The following CYTH1 variants were observed in gnomAD, a reference collection of about 807,000 sequenced individuals.
CYTH1 encodes the protein cytohesin-1.
A neutral mutation model predicts 61.8 loss-of-function variants in CYTH1; 18 were observed. The ratio of observed to expected loss-of-function variants is 0.29; its 90% CI spans 0.20 to 0.43. CYTH1 has a LOEUF of 0.43. CYTH1 is among the 20% of genes least tolerant of loss of function. The probability of loss-of-function intolerance (pLI) is 1.00; values close to 1 mark genes in which losing one functional copy is unlikely to be tolerated. For synonymous variants in CYTH1, 174 were observed against 184.3 expected (o/e 0.94, Z 0.45); for missense variants, 336 against 510.5 (o/e 0.66, Z 3.29).
chr17:78,742,021 AT>A (rs2144640839), intron 1 of CYTH1, among the ~76,000 whole-genome samples: 1 of 152,340 alleles, frequency 6.6e-6, no homozygotes, highest in Non-Finnish European at 1.5e-5. Flanking sequence ...TGGTTGCATT[AT>A]GTATATGTTG....
At chr17:78,729,939 G>C (rs2093284286) in intron 1 of CYTH1, among the ~76,000 whole-genome samples, 1 of 152,122 alleles carries the variant, frequency 6.6e-6, no homozygotes, top group Admixed American at 6.5e-5. Context: ...CTGCCTATCT[G>C]TATATCTGGA....
chr17:78,760,415 A>ATATATATATACACATACATATATATATG (rs1567879176), intron 1 of CYTH1, among the ~76,000 whole-genome samples: 1 of 84,572 alleles, frequency 1.2e-5, no homozygotes, highest in Non-Finnish European at 2.3e-5. Flanking sequence ...ATGTGTATAT[A>ATATATATATACACATACATATATATATG]TATATATATA....
intron 1 of CYTH1, among the ~76,000 whole-genome samples, chr17:78,729,022 A>G (rs1426716947): frequency 6.6e-6 from 1 of 152,240 alleles, no homozygotes; most frequent in Non-Finnish European, 1.5e-5. Context: ...TGAGTGAAAA[A>G]TAATATCCCA....
chr17:78,708,593 T>G (rs1303316231), intron 2 of CYTH1, among the ~76,000 whole-genome samples: 1 of 152,222 alleles, frequency 6.6e-6, no homozygotes, highest in East Asian at 1.9e-4. Flanking sequence ...AGAACAAGTC[T>G]GCAGCTTACT....
At chr17:78,782,035 C>A (rs1567891643) in intron 1 of CYTH1, among the ~76,000 whole-genome samples, 167 bp downstream of exon 1, 1 of 151,332 alleles carries the variant, frequency 6.6e-6, no homozygotes, top group Non-Finnish European at 1.5e-5. Context: ...GCGACCCCCG[C>A]CCCGCGAGGG....
chr17:78,682,905 T>C (rs1191492122), intron 11 of CYTH1, among the ~76,000 whole-genome samples: 1 of 152,222 alleles, frequency 6.6e-6, no homozygotes, highest in Non-Finnish European at 1.5e-5. Flanking sequence ...ATCCATCGTT[T>C]GGGGGAGGTT....
At chr17:78,782,114 C>T (rs2144798191) in intron 1 of CYTH1, 88 bp downstream of exon 1, 2 of 1,150,740 alleles carry the variant, frequency 1.7e-6, no homozygotes, top group Admixed American at 4.5e-5. Context: ...CGGGAAACGC[C>T]AGCCGCCGCA....
At chr17:78,745,458 C>T (rs1284275145) in intron 1 of CYTH1, among the ~76,000 whole-genome samples, 2 of 152,182 alleles carry the variant, frequency 1.3e-5, no homozygotes, top group African/African-American at 4.8e-5. Context: ...CACACTACTC[C>T]TAGAAGTGGT....
At chr17:78,753,010 T>TCC (rs1362111417) in intron 1 of CYTH1, among the ~76,000 whole-genome samples, 1 of 151,928 alleles carries the variant, frequency 6.6e-6, no homozygotes, top group Non-Finnish European at 1.5e-5. Context: ...TTACCAAATC[T>TCC]CCCCCAAAGG....
intron 10 of CYTH1, among the ~76,000 whole-genome samples, chr17:78,693,043 G>T (rs546400950): frequency 6.6e-6 from 1 of 152,186 alleles, no homozygotes; most frequent in Non-Finnish European, 1.5e-5. Context: ...TCACCTTCAT[G>T]ATTACAGTGA....
intron 1 of CYTH1, among the ~76,000 whole-genome samples, chr17:78,770,605 G>C (rs963434592): frequency 2.0e-5 from 3 of 152,030 alleles, no homozygotes; most frequent in East Asian, 1.9e-4. Flanking sequence ...TTTTAGTAGA[G>C]ATGGGGTTTC....
intron 1 of CYTH1, among the ~76,000 whole-genome samples, chr17:78,722,263 G>A (rs531616363): frequency 6.6e-6 from 1 of 152,324 alleles, no homozygotes; most frequent in South Asian, 2.1e-4. Flanking sequence ...AAAGCTCACA[G>A]TGACAACACC....
At chr17:78,711,339 C>A (rs1437067256) in intron 1 of CYTH1, among the ~76,000 whole-genome samples, 2 of 147,578 alleles carry the variant, frequency 1.4e-5, no homozygotes, top group Non-Finnish European at 3.0e-5. Flanking sequence ...ACACACACAC[C>A]AGACTTTCTA....
chr17:78,737,167 T>C (rs1229545626), intron 1 of CYTH1, among the ~76,000 whole-genome samples: 1 of 152,174 alleles, frequency 6.6e-6, no homozygotes. Flanking sequence ...GGGGGACTGG[T>C]GCCAGGAACT....
At chr17:78,680,876 C>G in intron 12 of CYTH1, 95 bp downstream of exon 12, 2 of 1,206,990 alleles carry the variant, frequency 1.7e-6, no homozygotes, top group Non-Finnish European at 2.4e-6. Context: ...AGCCTGATCA[C>G]GCTTTTCAGT....
intron 1 of CYTH1, among the ~76,000 whole-genome samples, chr17:78,731,231 C>T (rs911812186): frequency 1.2e-4 from 19 of 152,224 alleles, no homozygotes; most frequent in African/African-American, 4.6e-4. Flanking sequence ...GAGTCCTTCC[C>T]AGGAGCCACA....
At chr17:78,720,001 G>A (rs2093214316) in intron 1 of CYTH1, among the ~76,000 whole-genome samples, 1 of 152,176 alleles carries the variant, frequency 6.6e-6, no homozygotes, top group African/African-American at 2.4e-5. Flanking sequence ...TTGCAAAAGG[G>A]CAAATACTGA....
chr17:78,677,397 G>A (rs985379136), intron 13 of CYTH1: 20 of 203,652 alleles, frequency 9.8e-5, no homozygotes, highest in Middle Eastern at 1.8e-3. Context: ...GCCCGGCCCT[G>A]CCTGGCCCTG....
chr17:78,688,494 C>G (rs932786394), intron 11 of CYTH1, among the ~76,000 whole-genome samples: 7 of 152,134 alleles, frequency 4.6e-5, no homozygotes, highest in African/African-American at 1.7e-4. Context: ...CGGTGCTGGC[C>G]GAAAGAGCAA....
Sources: gnomAD v4.1 joint callset for allele counts (sites outside exome capture counted in the v4.1 genomes callset) on GRCh38, gnomAD v4.1.1 for gene constraint, MANE v1.5 for transcripts, NCBI Gene and HGNC (gene_info 2026-07-23, HGNC 2026-07-21) for gene names.